MGMT: variants seen among roughly 807,000 people sequenced by gnomAD.
MGMT encodes methylated-DNA--protein-cysteine methyltransferase.
Under a neutral mutation model 15.9 loss-of-function variants are expected in MGMT, and 14 were observed. That is an observed-to-expected ratio of 0.88 (90% CI 0.58 to 1.37). The LOEUF (loss-of-function observed/expected upper bound fraction) is 1.37, where lower values mean the gene tolerates loss of function less well. Among genes scored for constraint, MGMT ranks in the 40% most tolerant of loss-of-function variants. MGMT has a pLI of 0.00. For synonymous variants in MGMT, 130 were observed against 118.2 expected (o/e 1.10, Z -0.65); for missense variants, 282 against 268.1 (o/e 1.05, Z -0.36).
At chr10:129,743,485 G>A (rs1190057423) in intron 3 of MGMT, among the ~76,000 whole-genome samples, 7 of 152,178 alleles carry the variant, frequency 4.6e-5, no homozygotes, top group African/African-American at 9.7e-5. Context: ...TGGCCTCACC[G>A]GCCCACAGTT....
intron 3 of MGMT, among the ~76,000 whole-genome samples, chr10:129,741,977 CA>C (rs1393875042): frequency 6.6e-6 from 1 of 152,176 alleles, no homozygotes; most frequent in Non-Finnish European, 1.5e-5. Flanking sequence ...GCCAGCTTTG[CA>C]AAGTGGTTGT....
At chr10:129,754,104 C>G (rs1848779312) in intron 3 of MGMT, among the ~76,000 whole-genome samples, 1 of 152,206 alleles carries the variant, frequency 6.6e-6, no homozygotes, top group South Asian at 2.1e-4. Flanking sequence ...TTCTCAAAGT[C>G]TGTGGTTTAG....
intron 2 of MGMT, among the ~76,000 whole-genome samples, chr10:129,537,448 C>G (rs1304906758): frequency 6.6e-6 from 1 of 152,152 alleles, no homozygotes; most frequent in African/African-American, 2.4e-5. Context: ...TCTATGAGAA[C>G]CATCTGGCTG....
chr10:129,715,244 T>C lies in MGMT; in HGVS notation c.274+7201T>C, dbSNP rs926428746. 3.3e-5 allele frequency among the ~76,000 whole-genome samples: 5 copies of C among 152,242 alleles called. No individual in the cohort carries two copies. In the South Asian group the frequency reaches 8.3e-4, roughly 25 times the overall value. The stretch of plus-strand genomic sequence containing the variant: ...TCTGGTGAAGTAATTAAACAGTAAA[T>C]CAGTGATGGCTTCTATTAAAAATTA... On this transcript the variant is annotated intron_variant, in intron 3 of 4. Coordinates refer to ENST00000651593, the MANE Select transcript of MGMT (RefSeq NM_002412.5).
At chr10:129,748,169 A>T (rs1848715109) in intron 3 of MGMT, among the ~76,000 whole-genome samples, 1 of 152,208 alleles carries the variant, frequency 6.6e-6, no homozygotes, top group Non-Finnish European at 1.5e-5. Flanking sequence ...GAGTATCTAC[A>T]TAAGTTACTG....
rs557549848 is a variant in MGMT at position 129,569,076 on chromosome 10, G to A, written c.125+32699G>A. Among the ~76,000 whole-genome samples, 327 of 152,312 alleles carry A rather than the reference G, an allele frequency of 2.1e-3. 2 individuals carry two copies. The highest frequency in any genetic ancestry group is 4.2e-3 in the Non-Finnish European group (287 of 68,030). ...AGGGTATGAGATGATGGGCTTTAGC[G>A]TCAGACAGCTGGGCCCACACTCCGG... On this transcript the variant is annotated intron_variant, in intron 2 of 4. Coordinates refer to ENST00000651593, the MANE Select transcript of MGMT (RefSeq NM_002412.5).
At chr10:129,759,087 GT>G in intron 3 of MGMT, 114 bp from the exon 4 acceptor site, 1 of 1,324,690 alleles carries the variant, frequency 7.5e-7, no homozygotes, top group Non-Finnish European at 1.1e-6. Flanking sequence ...TTTTAATTGA[GT>G]ATAATACCTC....
intron 1 of MGMT, among the ~76,000 whole-genome samples, chr10:129,495,950 T>C (rs34723205): frequency 6.6e-6 from 1 of 152,178 alleles, no homozygotes; most frequent in East Asian, 1.9e-4. Flanking sequence ...GGCATGCAGC[T>C]GACAAGATTG....
intron 3 of MGMT, among the ~76,000 whole-genome samples, chr10:129,743,860 G>C (rs947383228): frequency 6.6e-6 from 1 of 152,250 alleles, no homozygotes; most frequent in African/African-American, 2.4e-5. Context: ...TCCTAATGGC[G>C]GAAGCAGCCA....
intron 2 of MGMT, among the ~76,000 whole-genome samples, chr10:129,653,337 T>A (rs528566531): frequency 1.3e-5 from 2 of 152,374 alleles, no homozygotes; most frequent in East Asian, 1.9e-4. Flanking sequence ...AAAACATTGA[T>A]CATTTTCCAC....
Position 129,536,362 on chromosome 10 carries a change from G to T in MGMT, c.110G>T (p.Gly37Val). 2 of 1,613,250 alleles carry T rather than the reference G, an allele frequency of 1.2e-6. No homozygotes were observed. The highest frequency in any genetic ancestry group is 1.7e-6 in the Non-Finnish European group (2 of 1,179,816). ...CACGAAATAAAGCTCCTGGGCAAGGGGACGTCTGCAGCTGAGTAAGTATGA... is the reference window on the plus strand; with the variant it reads ...CACGAAATAAAGCTCCTGGGCAAGGTGACGTCTGCAGCTGAGTAAGTATGA... ...GLHEIKLLGK[G>V]TSAADAVEVP... The change falls in exon 2 of 5, where the codon GGG becomes GTG. Residue 37 changes from glycine (G) to valine (V), a missense_variant. Physicochemically the swap from Gly to Val is moderately radical, Grantham distance 109. Coordinates refer to ENST00000651593, the MANE Select transcript of MGMT (RefSeq NM_002412.5).
At chr10:129,641,901 A>C (rs1847331661) in intron 2 of MGMT, among the ~76,000 whole-genome samples, 1 of 152,220 alleles carries the variant, frequency 6.6e-6, no homozygotes. Context: ...AAATCCACAT[A>C]ATGTATGCGG....
intron 3 of MGMT, among the ~76,000 whole-genome samples, chr10:129,733,947 G>GT (rs1214579887): frequency 1.5e-4 from 23 of 151,806 alleles, no homozygotes. Flanking sequence ...GTACCATGCT[G>GT]TTTTGGTTAC....
At chr10:129,622,196 T>C (rs1847098404) in intron 2 of MGMT, among the ~76,000 whole-genome samples, 1 of 152,210 alleles carries the variant, frequency 6.6e-6, no homozygotes, top group African/African-American at 2.4e-5. Flanking sequence ...AGATGCTGAT[T>C]GGTATGACCT....
At chr10:129,480,224 C>T (rs1845342447) in intron 1 of MGMT, among the ~76,000 whole-genome samples, 1 of 152,168 alleles carries the variant, frequency 6.6e-6, no homozygotes, top group Non-Finnish European at 1.5e-5. Flanking sequence ...AGTGTTTTAA[C>T]AGCTTCCTCA....
At position 129,566,752 on chromosome 10, in the gene MGMT, A is replaced by G. The variant is rs1218287309; in HGVS notation, c.125+30375A>G. 6.6e-6 allele frequency among the ~76,000 whole-genome samples: 1 copy of G among 151,994 alleles called. No individual in the cohort carries two copies. Among genetic ancestry groups the G allele is most frequent in the Non-Finnish European group, 1.5e-5 (1 of 68,002 alleles). On this transcript the variant is annotated intron_variant, in intron 2 of 4. Transcript: ENST00000651593. This position sits in a 1 kb window ranked among gnomAD's most constrained non-coding sequence, Gnocchi z 4.1. ...CTCTCGGAGGCCCCATGAAGTTGGT[A>G]TTCCTCAGCTCTGCCCCAGGGTCCC...
intron 2 of MGMT, among the ~76,000 whole-genome samples, chr10:129,606,758 TAATG>T (rs1279737768): frequency 6.6e-6 from 1 of 152,184 alleles, no homozygotes; most frequent in Non-Finnish European, 1.5e-5. Flanking sequence ...GGTGGGATAA[TAATG>T]GCAGCAATTT....
At chr10:129,705,840 C>T (rs1848154057) in intron 2 of MGMT, among the ~76,000 whole-genome samples, 1 of 151,974 alleles carries the variant, frequency 6.6e-6, no homozygotes, top group African/African-American at 2.4e-5. Context: ...GCCCAGGAGA[C>T]AGGCCCTCAT....
intron 3 of MGMT, among the ~76,000 whole-genome samples, chr10:129,727,242 C>T (rs1170977389): frequency 6.6e-6 from 1 of 152,180 alleles, no homozygotes; most frequent in Non-Finnish European, 1.5e-5. Context: ...GAGGCTAGGT[C>T]ATAAGAGGCC....
Sources: allele counts gnomAD v4.1 joint callset (sites outside exome capture counted in the v4.1 genomes callset), GRCh38; gene constraint gnomAD v4.1.1; non-coding constraint Gnocchi (gnomAD v3.1); transcripts MANE v1.5; gene names NCBI Gene and HGNC (gene_info 2026-07-23, HGNC 2026-07-21).